The following PLCG2 variants were observed in gnomAD, a reference collection of about 807,000 sequenced individuals.
The protein encoded by PLCG2 is 1-phosphatidylinositol 4,5-bisphosphate phosphodiesterase gamma-2.
Under a neutral mutation model 175.6 loss-of-function variants are expected in PLCG2, and 69 were observed. The ratio of observed to expected loss-of-function variants is 0.39; its 90% CI spans 0.32 to 0.48. The LOEUF (loss-of-function observed/expected upper bound fraction) is 0.48. Ranked by LOEUF, PLCG2 falls within the 20% of genes least tolerant of loss-of-function variation. PLCG2 has a pLI of 0.91. For synonymous variants in PLCG2, 827 were observed against 624.0 expected, an observed-to-expected ratio of 1.33 and a Z score of -4.85; for missense variants, 1,798 against 1,650.9, an observed-to-expected ratio of 1.09 and a Z score of -1.54.
chr16:81,812,043 CTTTTTTTTTTT>C (rs539108021), intron 2 of PLCG2, among the ~76,000 whole-genome samples: 28 of 90,334 alleles, frequency 3.1e-4, no homozygotes, highest in Admixed American at 1.3e-3. Context: ...TGTTTCCTGA[CTTTTTTTTTTT>C]TTTTTTTTTT....
At chr16:81,890,695 G>A (rs1908590182) in intron 10 of PLCG2, among the ~76,000 whole-genome samples, 1 of 152,182 alleles carries the variant, frequency 6.6e-6, no homozygotes, top group Non-Finnish European at 1.5e-5. Flanking sequence ...ACCCATATGA[G>A]GTCGTTCTCA....
intron 24 of PLCG2, among the ~76,000 whole-genome samples, chr16:81,930,649 G>A (rs1910459787): frequency 1.3e-5 from 2 of 151,756 alleles, no homozygotes; most frequent in Admixed American, 6.6e-5. Flanking sequence ...TAGGGAGGCT[G>A]AGGTGGGAGG....
chr16:81,764,308 A>C (rs1442184892), intron 2 of PLCG2, among the ~76,000 whole-genome samples: 1 of 152,156 alleles, frequency 6.6e-6, no homozygotes, highest in East Asian at 1.9e-4. Context: ...AAATAAATAA[A>C]TAAATAAGTA....
At chr16:81,837,306 C>G (rs1475543883) in intron 2 of PLCG2, among the ~76,000 whole-genome samples, 1 of 152,236 alleles carries the variant, frequency 6.6e-6, no homozygotes, top group Non-Finnish European at 1.5e-5. Flanking sequence ...TGCTGACATT[C>G]CTAGGAATTG....
chr16:81,909,295 T>G (rs1223318351), intron 17 of PLCG2, among the ~76,000 whole-genome samples: 1 of 152,044 alleles, frequency 6.6e-6, no homozygotes, highest in Non-Finnish European at 1.5e-5. Context: ...TTGGGGGGGT[T>G]TAATGTGAGT....
chr16:81,925,337 C>T (rs1042583278), intron 22 of PLCG2, among the ~76,000 whole-genome samples: 6 of 152,116 alleles, frequency 3.9e-5, no homozygotes, highest in Admixed American at 1.3e-4. Flanking sequence ...ATTGTCTGAA[C>T]CAAGATGCTC....
At chr16:81,782,468 C>G (rs951986751) in intron 1 of PLCG2, among the ~76,000 whole-genome samples, 1 of 152,094 alleles carries the variant, frequency 6.6e-6, no homozygotes, top group African/African-American at 2.4e-5. Flanking sequence ...CTCCTGGGCT[C>G]AAGGTCTTGG....
At chr16:81,850,633 C>T (rs543354591) in intron 2 of PLCG2, among the ~76,000 whole-genome samples, 2 of 152,066 alleles carry the variant, frequency 1.3e-5, no homozygotes, top group Non-Finnish European at 2.9e-5. Context: ...TTCCTGGCTC[C>T]CCGAAGACAG....
At chr16:81,797,468 A>G (rs1163208333) in intron 2 of PLCG2, among the ~76,000 whole-genome samples, 1 of 152,158 alleles carries the variant, frequency 6.6e-6, no homozygotes, top group Non-Finnish European at 1.5e-5. Context: ...GCAAGGCCCG[A>G]TCTTGGGGCC....
Position 81,960,460 on chromosome 16 carries a change from T to C in PLCG2, c.*2462T>C, listed in dbSNP as rs1911741710. On this transcript the variant is annotated 3_prime_UTR_variant, in exon 33 of 33. Coordinates refer to ENST00000564138, the MANE Select transcript of PLCG2 (RefSeq NM_002661.5). ...GTTCACCATTTTCCTAAGTGTGTTA[T>C]TTAGAATATTGGTTATTACAAGGAA... 1 of 229,038 alleles carries C rather than the reference T, an allele frequency of 4.4e-6. No homozygotes were observed. The highest frequency in any genetic ancestry group is 8.7e-6 in the Non-Finnish European group (1 of 115,472). 14.2% of individuals were successfully genotyped at this position (229,038 alleles called of 1,614,324 possible). A position where few individuals can be genotyped will look rare whatever the true frequency, so the allele number is the denominator to read the frequency against.
intron 2 of PLCG2, among the ~76,000 whole-genome samples, chr16:81,814,442 C>T (rs1055796387): frequency 1.3e-5 from 2 of 152,036 alleles, no homozygotes; most frequent in African/African-American, 4.8e-5. Flanking sequence ...CCTGTAATCC[C>T]AGCACTTGTG....
chr16:81,849,637 G>C (rs1250530069), intron 2 of PLCG2, among the ~76,000 whole-genome samples: 1 of 151,998 alleles, frequency 6.6e-6, no homozygotes, highest in Non-Finnish European at 1.5e-5. Flanking sequence ...CAGGTCTGGT[G>C]GCGGATGCCT....
chr16:81,913,481 A>C (rs1276324840), intron 19 of PLCG2, among the ~76,000 whole-genome samples: 2 of 152,308 alleles, frequency 1.3e-5, no homozygotes, highest in East Asian at 3.9e-4. Flanking sequence ...CTCATAGTCA[A>C]CTGAGTTTGA....
upstream of PLCG2, among the ~76,000 whole-genome samples, chr16:81,778,803 T>C (rs1910577697): frequency 7.3e-6 from 1 of 137,504 alleles, no homozygotes; most frequent in Non-Finnish European, 1.6e-5. Context: ...GAAGAGTATA[T>C]TTATTTTTAA....
chr16:81,822,671 C>T (rs747362526), intron 2 of PLCG2, among the ~76,000 whole-genome samples: 4 of 144,386 alleles, frequency 2.8e-5, no homozygotes, highest in Admixed American at 1.5e-4. Flanking sequence ...GCAGGAGAAT[C>T]GCTTGAACCC....
At chr16:81,748,072 C>G (rs1431614463) in intron 1 of PLCG2, among the ~76,000 whole-genome samples, 1 of 152,032 alleles carries the variant, frequency 6.6e-6, no homozygotes, top group Admixed American at 6.6e-5. Context: ...ACAGGGTGGC[C>G]CCATATTGGC....
chr16:81,927,956 A>C (rs1469953833), intron 23 of PLCG2, among the ~76,000 whole-genome samples: 1 of 152,122 alleles, frequency 6.6e-6, no homozygotes, highest in Non-Finnish European at 1.5e-5. Context: ...TTACCTGTAC[A>C]TCAGCATTTA....
At chr16:81,739,220 T>C (rs1597298860) in exon 1 of PLCG2, 1 of 151,136 alleles carries the variant, frequency 6.6e-6, no homozygotes, top group Admixed American at 6.6e-5. Flanking sequence ...CAGCCTGGGG[T>C]ATTAGTTCAC....
At chr16:81,756,562 T>C (rs2143077520) in intron 2 of PLCG2, among the ~76,000 whole-genome samples, 1 of 152,164 alleles carries the variant, frequency 6.6e-6, no homozygotes, top group Non-Finnish European at 1.5e-5. Context: ...GACCACACCA[T>C]ACAGTGTCTC....
Sources: gnomAD v4.1 joint callset for allele counts (sites outside exome capture counted in the v4.1 genomes callset) on GRCh38, gnomAD v4.1.1 for gene constraint, MANE v1.5 for transcripts, NCBI Gene and HGNC (gene_info 2026-07-23, HGNC 2026-07-21) for gene names.